Variants in GRIA3 observed in about 807,000 individuals in gnomAD.
GRIA3 encodes the protein glutamate receptor 3.
A neutral mutation model predicts 63.0 loss-of-function variants in GRIA3; 3 were observed. That is an observed-to-expected ratio of 0.05 (90% CI 0.02 to 0.12). The LOEUF (loss-of-function observed/expected upper bound fraction) is 0.12, where lower values mean the gene tolerates loss of function less well. GRIA3 is among the 10% of genes least tolerant of loss of function. GRIA3 has a pLI of 1.00. For missense variants in GRIA3, 347 were observed against 700.9 expected (o/e 0.50, Z 5.70); for synonymous variants, 274 against 257.9 (o/e 1.06, Z -0.60).
At chrX:123,326,865 T>G (rs2044909030) in intron 4 of GRIA3, among the ~76,000 whole-genome samples, 1 of 111,273 alleles carries the variant, frequency 9.0e-6, no homozygotes, top group Non-Finnish European at 1.9e-5. Flanking sequence ...ATGCTGACAA[T>G]GTGGGCAACA....
At chrX:123,377,994 T>C (rs965222052) in intron 5 of GRIA3, among the ~76,000 whole-genome samples, 1 of 112,143 alleles carries the variant, frequency 8.9e-6, no homozygotes, top group Non-Finnish European at 1.9e-5. Flanking sequence ...ATCGAGATCC[T>C]CAATCCTAAA....
intron 5 of GRIA3, among the ~76,000 whole-genome samples, chrX:123,389,164 T>C (rs1273988936): frequency 1.8e-5 from 2 of 112,408 alleles, no homozygotes; most frequent in African/African-American, 3.2e-5. Context: ...GAATGTTCCA[T>C]GTGCTGATGA....
At chrX:123,271,415 T>C (rs1322724747) in intron 3 of GRIA3, among the ~76,000 whole-genome samples, 1 of 112,197 alleles carries the variant, frequency 8.9e-6, no homozygotes, top group Non-Finnish European at 1.9e-5. Flanking sequence ...TAAAAATCTA[T>C]ATTTTTAGAG....
chrX:123,439,120 T>A (rs2045660127), intron 12 of GRIA3, among the ~76,000 whole-genome samples: 1 of 112,204 alleles, frequency 8.9e-6, no homozygotes, highest in Non-Finnish European at 1.9e-5. Flanking sequence ...GCCCCGACTT[T>A]TAGCAAAAAC....
intron 2 of GRIA3, among the ~76,000 whole-genome samples, chrX:123,210,802 A>C (rs1928023623): frequency 8.9e-6 from 1 of 111,754 alleles, no homozygotes; most frequent in African/African-American, 3.2e-5. Context: ...TTTCTTCTTT[A>C]TCTAAGACTA....
intron 5 of GRIA3, among the ~76,000 whole-genome samples, chrX:123,366,635 A>G (rs2045212128): frequency 8.9e-6 from 1 of 112,129 alleles, no homozygotes; most frequent in Non-Finnish European, 1.9e-5. Context: ...GTAAAGCAAA[A>G]TAAGCCAAAT....
intron 3 of GRIA3, among the ~76,000 whole-genome samples, chrX:123,323,999 C>T (rs1177330617): frequency 8.9e-6 from 1 of 112,004 alleles, no homozygotes; most frequent in Non-Finnish European, 1.9e-5. Context: ...AAAATATTGA[C>T]AGATATCCAT....
At chrX:123,278,041 TCC>T (rs1569412695) in intron 3 of GRIA3, among the ~76,000 whole-genome samples, 1 of 111,622 alleles carries the variant, frequency 9.0e-6, no homozygotes, top group Admixed American at 9.5e-5. Context: ...GTTACCTAGG[TCC>T]CCACAACAGG....
intron 5 of GRIA3, among the ~76,000 whole-genome samples, chrX:123,392,585 T>C (rs749974442): frequency 4.4e-4 from 49 of 111,737 alleles, no homozygotes; most frequent in Non-Finnish European, 6.8e-4. Flanking sequence ...ATTGAGAATA[T>C]GGACTGCTAG....
In GRIA3 at chrX:123,195,938, C is replaced by T. The variant is rs192466366; in HGVS notation, c.268+9948C>T. ...CTCTATATCTAGTAGCTTTTCATGACTGAGTGCCAGCTTGACTCTAACTAA... is the reference window on the plus strand; with the variant it reads ...CTCTATATCTAGTAGCTTTTCATGATTGAGTGCCAGCTTGACTCTAACTAA... On this transcript the variant is annotated intron_variant, in intron 2 of 15. Transcript: ENST00000620443. 1.2e-3 allele frequency among the ~76,000 whole-genome samples: 135 copies of T among 111,573 alleles called. 1 individual carries two copies. The highest frequency in any genetic ancestry group is 4.3e-3 in the African/African-American group (132 of 30,667).
chrX:123,432,658 A>C (rs146266013), intron 12 of GRIA3, among the ~76,000 whole-genome samples: 13 of 111,579 alleles, frequency 1.2e-4, no homozygotes, highest in Admixed American at 2.9e-4. Flanking sequence ...AAGGCAGAAA[A>C]ATCCCAGAGA....
rs911197101 is a variant in GRIA3, at chrX:123,489,540, G to A, written c.*830G>A. On this transcript the variant is annotated 3_prime_UTR_variant, in exon 16 of 16. Coordinates refer to ENST00000620443, the MANE Select transcript of GRIA3 (RefSeq NM_007325.5). ...TTGGTGCTTTCCTAAAATGGATCCC[G>A]GGGCTTTCCAAGGAGCCTGGAATTT... 4.5e-5 allele frequency: 5 copies of A among 112,064 alleles called. No individual in the cohort carries two copies. The highest frequency in any genetic ancestry group is 2.8e-4 in the East Asian group (1 of 3,574). 9.2% of individuals were successfully genotyped at this position (112,064 alleles called of 1,213,427 possible).
chrX:123,369,670 C>T (rs1163615127), intron 5 of GRIA3, among the ~76,000 whole-genome samples: 2 of 112,555 alleles, frequency 1.8e-5, no homozygotes, highest in African/African-American at 6.5e-5. Context: ...TGCCTCTCAG[C>T]CAGCAACTGT....
chrX:123,222,833 C>G (rs777181560), intron 2 of GRIA3, among the ~76,000 whole-genome samples: 3 of 111,902 alleles, frequency 2.7e-5, no homozygotes, highest in Non-Finnish European at 3.8e-5. Context: ...ATGGGTTGTT[C>G]TGACTGTTCT....
chrX:123,463,781 A>T (rs1246972315), intron 12 of GRIA3, among the ~76,000 whole-genome samples: 2 of 104,062 alleles, frequency 1.9e-5, no homozygotes, highest in Non-Finnish European at 3.8e-5. Flanking sequence ...AAAGAAAGAA[A>T]AAGAAAGAGA....
At chrX:123,281,876 A>G (rs1012596816) in intron 3 of GRIA3, among the ~76,000 whole-genome samples, 9 of 112,180 alleles carry the variant, frequency 8.0e-5, no homozygotes, top group African/African-American at 2.9e-4. Flanking sequence ...ACCACATCCC[A>G]TGGTGGAGGT....
At chrX:123,185,085 AG>A (rs1927222814) in intron 1 of GRIA3, 1 of 310,620 alleles carries the variant, frequency 3.2e-6, no homozygotes. Flanking sequence ...CGGGGTGCTC[AG>A]TCCGTGGTCT....
intron 15 of GRIA3, among the ~76,000 whole-genome samples, chrX:123,488,086 AAAG>A (rs1422321554): frequency 1.8e-5 from 2 of 111,955 alleles, no homozygotes; most frequent in African/African-American, 6.5e-5. Flanking sequence ...GTGCCTCCAA[AAAG>A]AAGACACTAT....
intron 12 of GRIA3, among the ~76,000 whole-genome samples, chrX:123,457,427 G>C (rs1195543219): frequency 8.9e-6 from 1 of 111,895 alleles, no homozygotes; most frequent in East Asian, 2.8e-4. Flanking sequence ...TGACATGTAT[G>C]TACAAGGCTA....
Sources: gnomAD v4.1 joint callset for allele counts (sites outside exome capture counted in the v4.1 genomes callset) on GRCh38, gnomAD v4.1.1 for gene constraint, MANE v1.5 for transcripts, NCBI Gene and HGNC (gene_info 2026-07-23, HGNC 2026-07-21) for gene names.